Variants in BRWD3 observed in about 807,000 individuals in gnomAD.
BRWD3 encodes bromodomain and WD repeat domain containing 3.
Under a neutral mutation model 149.7 loss-of-function variants are expected in BRWD3, and 10 were observed. The ratio of observed to expected loss-of-function variants is 0.07; its 90% CI spans 0.04 to 0.11. The LOEUF is 0.11. Ranked by LOEUF, BRWD3 falls within the 10% of genes least tolerant of loss-of-function variation. The pLI is 1.00. For missense variants in BRWD3, 940 were observed against 1,373.2 expected (o/e 0.68, Z 4.99); for synonymous variants, 504 against 456.7 (o/e 1.10, Z -1.32).
At chrX:80,759,377 C>A (rs949044778) in intron 6 of BRWD3, among the ~76,000 whole-genome samples, 6 of 111,385 alleles carry the variant, frequency 5.4e-5, no homozygotes, top group Non-Finnish European at 1.1e-4. Flanking sequence ...CCTGTCTACT[C>A]TGGTTTCACA....
At chrX:80,752,561 G>GT (rs1014265169) in intron 6 of BRWD3, among the ~76,000 whole-genome samples, 2 of 111,590 alleles carry the variant, frequency 1.8e-5, no homozygotes, top group Non-Finnish European at 1.9e-5. Context: ...TCACCAAAAT[G>GT]TTTTTTTAAA....
At chrX:80,729,710 T>C (rs1393215059) in intron 13 of BRWD3, among the ~76,000 whole-genome samples, 1 of 111,521 alleles carries the variant, frequency 9.0e-6, no homozygotes, top group East Asian at 2.8e-4. Context: ...AAGACCAGAA[T>C]ATCAAATGAA....
intron 24 of BRWD3, among the ~76,000 whole-genome samples, chrX:80,700,826 G>A (rs766502616): frequency 3.2e-4 from 35 of 110,886 alleles, no homozygotes; most frequent in African/African-American, 1.1e-3. Context: ...CATTTACATT[G>A]TATTAGGTAT....
intron 40 of BRWD3, 91 bp from the exon 41 acceptor site, chrX:80,677,454 T>C: frequency 9.3e-7 from 1 of 1,074,266 alleles, no homozygotes; most frequent in Admixed American, 3.1e-5. Flanking sequence ...TTCCCAAAAA[T>C]ATGTGGAATA....
At chrX:80,744,982 C>T (rs954571064) in intron 7 of BRWD3, among the ~76,000 whole-genome samples, 1 of 111,450 alleles carries the variant, frequency 9.0e-6, no homozygotes, top group Non-Finnish European at 1.9e-5. Flanking sequence ...ATGCTATTAT[C>T]CACACTTCTA....
chrX:80,801,365 C>A (rs961892604), intron 4 of BRWD3, among the ~76,000 whole-genome samples: 2 of 105,680 alleles, frequency 1.9e-5, no homozygotes, highest in East Asian at 6.2e-4. Flanking sequence ...GGATTACAGG[C>A]GCCTGCCACC....
At chrX:80,765,870 G>A (rs1386500346) in intron 6 of BRWD3, among the ~76,000 whole-genome samples, 2 of 111,600 alleles carry the variant, frequency 1.8e-5, no homozygotes, top group East Asian at 5.6e-4. Flanking sequence ...GTGAAATTAT[G>A]ACCTTGCAAT....
rs57689523 is a variant in BRWD3 at position 80,705,123 on chromosome X, G to A, written c.2553-277C>T. 0.14 allele frequency among the ~76,000 whole-genome samples: 15,365 copies of A among 110,046 alleles called. 1,370 individuals are homozygous for A. The highest frequency in any genetic ancestry group is 0.56 in the East Asian group (1,925 of 3,409). The stretch of plus-strand genomic sequence containing the variant: ...TCTACTAAAAATACAAAAATTAGCC[G>A]GGTGTGATGGCACACGCCTGTAGTC... On this transcript the variant is annotated intron_variant, in intron 22 of 40. Transcript: ENST00000373275.
chrX:80,711,221 G>C (rs1008469022), intron 20 of BRWD3, among the ~76,000 whole-genome samples: 3 of 111,501 alleles, frequency 2.7e-5, no homozygotes, highest in Admixed American at 9.6e-5. Flanking sequence ...GTTCATTCTA[G>C]ATTAACATTG....
intron 28 of BRWD3, among the ~76,000 whole-genome samples, chrX:80,692,562 T>A (rs866912780): frequency 9.8e-5 from 11 of 112,108 alleles, no homozygotes; most frequent in Non-Finnish European, 2.1e-4. Flanking sequence ...AACAAAAGAC[T>A]AAGTACTAAT....
intron 4 of BRWD3, among the ~76,000 whole-genome samples, chrX:80,798,664 G>A (rs2147863071): frequency 9.1e-6 from 1 of 110,467 alleles, no homozygotes; most frequent in African/African-American, 3.3e-5. Flanking sequence ...CAGGTGTGGT[G>A]GCTCACGCCT....
intron 18 of BRWD3, 151 bp from the exon 19 acceptor site, chrX:80,717,910 G>T: frequency 2.1e-6 from 1 of 477,383 alleles, no homozygotes; most frequent in Non-Finnish European, 3.6e-6. Flanking sequence ...CCTCCTTTGT[G>T]TTTTTCATAT....
intron 12 of BRWD3, among the ~76,000 whole-genome samples, chrX:80,732,374 C>A (rs1201937463): frequency 9.0e-6 from 1 of 111,586 alleles, no homozygotes. Context: ...TTAGAGAGTG[C>A]AAGGATATCT....
At chrX:80,751,977 AT>A (rs2073673617) in intron 6 of BRWD3, among the ~76,000 whole-genome samples, 1 of 79,056 alleles carries the variant, frequency 1.3e-5, no homozygotes, top group African/African-American at 4.6e-5. Context: ...ATTTATTCAT[AT>A]TTCATTATTA....
chrX:80,703,621 T>C (rs747276735), intron 23 of BRWD3, 28 bp from the exon 24 acceptor site: 16 of 1,033,455 alleles, frequency 1.5e-5, no homozygotes, highest in Non-Finnish European at 2.2e-5. Flanking sequence ...GAAAAGTATA[T>C]GTATAAAACA....
intron 33 of BRWD3, 52 bp downstream of exon 33, chrX:80,689,716 T>C: frequency 9.5e-7 from 1 of 1,055,962 alleles, no homozygotes. Context: ...AATACTGTAC[T>C]TCAAATAAGA....
At chrX:80,707,312 C>A in intron 22 of BRWD3, 115 bp downstream of exon 22, 1 of 729,231 alleles carries the variant, frequency 1.4e-6, no homozygotes, top group Non-Finnish European at 2.1e-6. Context: ...CCAGCCAATA[C>A]CTTTTCTACT....
At chrX:80,724,455 G>C (rs2073191359) in intron 15 of BRWD3, among the ~76,000 whole-genome samples, 1 of 111,495 alleles carries the variant, frequency 9.0e-6, no homozygotes, top group Admixed American at 9.5e-5. Context: ...GGTGTTCTGA[G>C]AGAAGAGATA....
Position 80,689,835 on chromosome X carries a change from C to G in BRWD3, c.3740G>C (p.Cys1247Ser). The part of the protein sequence containing the change: ...VLLRFIGDQS[C>S]TDILDTYNKI... ...ATTATAAGTATCCAGTATATCAGTA[C>G]AGCTCTGATCCCTAAGAAACAAGTC... Residue 1247 changes from cysteine to serine, a missense_variant, in exon 33 of 41, where the codon TGT becomes TCT. Physicochemically the swap from Cys to Ser is moderately radical, Grantham distance 112. This residue lies in a region of BRWD3 where 349 missense variants were observed against 419.6 expected (regional missense o/e 0.83). Transcript: ENST00000373275. 2.5e-6 allele frequency: 3 copies of G among 1,192,741 alleles called. No homozygotes were observed. The highest frequency in any genetic ancestry group is 2.3e-6 in the Non-Finnish European group (2 of 881,029).
Sources: allele counts gnomAD v4.1 joint callset (sites outside exome capture counted in the v4.1 genomes callset), GRCh38; gene constraint gnomAD v4.1.1; regional missense constraint gnomAD v4.1.1; transcripts MANE v1.5; gene names NCBI Gene and HGNC (gene_info 2026-07-23, HGNC 2026-07-21).